The following KCNIP4 variants were observed in gnomAD, a reference collection of about 807,000 sequenced individuals.
The protein encoded by KCNIP4 is potassium voltage-gated channel interacting protein 4, also known as Kv channel-interacting protein 4.
Under a neutral mutation model 34.0 loss-of-function variants are expected in KCNIP4, and 12 were observed. That is an observed-to-expected ratio of 0.35 (90% CI 0.23 to 0.57). The LOEUF is 0.57. KCNIP4 is among the 20% of genes least tolerant of loss of function. The pLI is 0.83. For missense variants in KCNIP4, 238 were observed against 311.7 expected (o/e 0.76, Z 1.78); for synonymous variants, 124 against 102.2 (o/e 1.21, Z -1.29).
intron 1 of KCNIP4, among the ~76,000 whole-genome samples, chr4:21,521,827 G>C (rs983513360): frequency 5.3e-5 from 8 of 151,882 alleles, no homozygotes; most frequent in Non-Finnish European, 1.2e-4. Context: ...GATGGAAGTT[G>C]TTTCAATGAT....
intron 1 of KCNIP4, among the ~76,000 whole-genome samples, chr4:21,560,747 C>A (rs1739437612): frequency 6.6e-6 from 1 of 151,920 alleles, no homozygotes. Flanking sequence ...GACTTGATTC[C>A]CTTCCTTTGG....
chr4:21,005,383 A>G (rs1408429934), intron 1 of KCNIP4, among the ~76,000 whole-genome samples: 1 of 152,198 alleles, frequency 6.6e-6, no homozygotes, highest in Non-Finnish European at 1.5e-5. Context: ...TGCAGATAAA[A>G]CTAACAAGTA....
At chr4:21,483,354 A>C (rs532980448) in intron 1 of KCNIP4, among the ~76,000 whole-genome samples, 1 of 152,232 alleles carries the variant, frequency 6.6e-6, no homozygotes, top group African/African-American at 2.4e-5. Context: ...TTCCCACCTA[A>C]AACTCAGGTT....
chr4:21,794,251 A>T (rs1008854266), intron 1 of KCNIP4, among the ~76,000 whole-genome samples: 1 of 151,636 alleles, frequency 6.6e-6, no homozygotes, highest in Non-Finnish European at 1.5e-5. Context: ...GTGCACATGT[A>T]CCCCAAAACT....
At chr4:21,544,026 T>C (rs1202083725) in intron 1 of KCNIP4, among the ~76,000 whole-genome samples, 1 of 152,186 alleles carries the variant, frequency 6.6e-6, no homozygotes, top group African/African-American at 2.4e-5. Context: ...TAAATTGATT[T>C]ATTTTCTGCC....
chr4:21,668,236 G>T (rs1017650136), intron 1 of KCNIP4, among the ~76,000 whole-genome samples: 1 of 152,134 alleles, frequency 6.6e-6, no homozygotes, highest in African/African-American at 2.4e-5. Flanking sequence ...TTGGGCAGTT[G>T]GGGGTGAGGA....
chr4:21,043,706 T>G (rs1742163578), intron 1 of KCNIP4, among the ~76,000 whole-genome samples: 2 of 152,106 alleles, frequency 1.3e-5, no homozygotes, highest in African/African-American at 4.8e-5. Flanking sequence ...TGCTAATATA[T>G]GCCAGAAACT....
intron 4 of KCNIP4, among the ~76,000 whole-genome samples, chr4:20,750,070 G>C (rs1753316155): frequency 6.6e-6 from 1 of 152,164 alleles, no homozygotes; most frequent in Admixed American, 6.5e-5. Context: ...TTAGTGTTTG[G>C]AAGAGACCAT....
intron 1 of KCNIP4, among the ~76,000 whole-genome samples, chr4:21,120,786 T>C (rs1560740441): frequency 6.6e-6 from 1 of 152,182 alleles, no homozygotes; most frequent in Non-Finnish European, 1.5e-5. Flanking sequence ...AGCCTAACCA[T>C]ATCAGTCCTA....
chr4:21,247,680 G>GATATATTTATATCTAT (rs1380953014), intron 1 of KCNIP4, among the ~76,000 whole-genome samples: 1 of 115,128 alleles, frequency 8.7e-6, no homozygotes, highest in African/African-American at 3.5e-5. Flanking sequence ...TCTATATATA[G>GATATATTTATATCTAT]ATATATTTAT....
chr4:21,210,933 A>T (rs959567528), intron 1 of KCNIP4, among the ~76,000 whole-genome samples: 4 of 152,168 alleles, frequency 2.6e-5, no homozygotes, highest in Non-Finnish European at 1.5e-5. Flanking sequence ...CCACTTATAT[A>T]TTTTTTAGAA....
chr4:21,346,752 C>T (rs1305947562), intron 1 of KCNIP4, among the ~76,000 whole-genome samples: 3 of 152,128 alleles, frequency 2.0e-5, no homozygotes, highest in South Asian at 2.1e-4. Flanking sequence ...CTAAAAAGCT[C>T]CCAGGTGATG....
intron 1 of KCNIP4, among the ~76,000 whole-genome samples, chr4:21,864,067 T>G (rs1725269137): frequency 6.6e-6 from 1 of 152,244 alleles, no homozygotes; most frequent in Non-Finnish European, 1.5e-5. Flanking sequence ...ATAGTGACTT[T>G]GTTACATGAC....
chr4:20,852,771 A>C (rs555591073), intron 2 of KCNIP4, among the ~76,000 whole-genome samples: 1 of 152,340 alleles, frequency 6.6e-6, no homozygotes, highest in Non-Finnish European at 1.5e-5. Context: ...AAAAGAATTC[A>C]GTGAAGTTTC....
intron 1 of KCNIP4, among the ~76,000 whole-genome samples, chr4:21,710,649 G>A (rs1244542412): frequency 1.3e-5 from 2 of 152,166 alleles, no homozygotes; most frequent in African/African-American, 4.8e-5. Context: ...AGGAGGCAGT[G>A]GAATGAGCCC....
intron 1 of KCNIP4, among the ~76,000 whole-genome samples, chr4:21,181,575 A>G (rs1300646764): frequency 6.6e-6 from 1 of 152,098 alleles, no homozygotes; most frequent in African/African-American, 2.4e-5. Flanking sequence ...CATGGTTGAT[A>G]CCATGGTATA....
intron 1 of KCNIP4, among the ~76,000 whole-genome samples, chr4:20,943,646 G>T (rs1260602703): frequency 6.6e-6 from 1 of 152,090 alleles, no homozygotes; most frequent in Non-Finnish European, 1.5e-5. Flanking sequence ...ATCATGAATG[G>T]CTGTACAATT....
chr4:21,596,927 C>A (rs1382332470), intron 1 of KCNIP4, among the ~76,000 whole-genome samples: 1 of 151,936 alleles, frequency 6.6e-6, no homozygotes, highest in Non-Finnish European at 1.5e-5. Flanking sequence ...AGATGGAGAG[C>A]CAGTGGAGGA....
At chr4:21,466,095 C>T (rs964856042) in intron 1 of KCNIP4, among the ~76,000 whole-genome samples, 15 of 152,204 alleles carry the variant, frequency 9.9e-5, no homozygotes, top group Non-Finnish European at 2.2e-4. Flanking sequence ...TCACTATGCT[C>T]TACCCACTAC....
Sources: gnomAD v4.1 joint callset for allele counts (sites outside exome capture counted in the v4.1 genomes callset) on GRCh38, gnomAD v4.1.1 for gene constraint, MANE v1.5 for transcripts, NCBI Gene and HGNC (gene_info 2026-07-23, HGNC 2026-07-21) for gene names.